The following PDE4D variants were observed in gnomAD, a reference collection of about 807,000 sequenced individuals.
PDE4D encodes the protein phosphodiesterase 4D, also known as 3',5'-cyclic-AMP phosphodiesterase 4D.
Under a neutral mutation model 87.4 loss-of-function variants are expected in PDE4D, and 24 were observed. That is an observed-to-expected ratio of 0.27 (90% confidence interval 0.20 to 0.39). PDE4D has a LOEUF of 0.39. Ranked by LOEUF, PDE4D falls within the 10% of genes least tolerant of loss-of-function variation. The probability of loss-of-function intolerance (pLI) is 1.00; values close to 1 mark genes in which losing one functional copy is unlikely to be tolerated. For synonymous variants in PDE4D, 384 were observed against 383.2 expected (o/e 1.00, Z -0.02); for missense variants, 714 against 1,041.0 (o/e 0.69, Z 4.32).
At position 60,340,279 on chromosome 5, in the gene PDE4D, A is replaced by ATTT. The variant is rs35196365; in HGVS notation, c.-90+147660_-90+147662dup. Among the ~76,000 whole-genome samples the ATTT allele has an allele frequency of 5.9e-3, 869 of 147,208 alleles. 7 individuals are homozygous for ATTT. Among genetic ancestry groups the ATTT allele is most frequent in the African/African-American group, 0.021 (834 of 40,452 alleles). ...GCCAAAAGAACCTGTACAGCATCCT[A>ATTT]TTTTTTTTTTTTTATCTAGGGAAAA... On this transcript the variant is annotated intron_variant, in intron 1 of 16. Coordinates refer to the PDE4D transcript ENST00000502484.
intron 5 of PDE4D, among the ~76,000 whole-genome samples, chr5:59,046,539 ATGTGTGTGTGTG>A (rs35264771): frequency 9.0e-4 from 130 of 143,662 alleles, no homozygotes; most frequent in Non-Finnish European, 1.8e-3. Context: ...GTTATTGAAG[ATGTGTGTGTGTG>A]TGTGTGTGTG....
intron 1 of PDE4D, among the ~76,000 whole-genome samples, chr5:59,575,000 T>C (rs1409426144): frequency 2.0e-5 from 3 of 152,184 alleles, no homozygotes; most frequent in African/African-American, 7.2e-5. Context: ...AAATATAGGA[T>C]ATGTATGCTA....
chr5:59,072,629 C>T (rs1451910453), intron 5 of PDE4D, among the ~76,000 whole-genome samples: 1 of 152,084 alleles, frequency 6.6e-6, no homozygotes, highest in Non-Finnish European at 1.5e-5. Flanking sequence ...TCATTTATGC[C>T]TATAAACATC....
At chr5:59,839,230 G>C (rs1050153557) in intron 1 of PDE4D, among the ~76,000 whole-genome samples, 2 of 151,526 alleles carry the variant, frequency 1.3e-5, no homozygotes, top group African/African-American at 4.8e-5. Context: ...TCTGATGTCT[G>C]AATGCCACAG....
At chr5:59,774,012 A>G (rs143869006) in intron 1 of PDE4D, among the ~76,000 whole-genome samples, 43 of 152,272 alleles carry the variant, frequency 2.8e-4, no homozygotes, top group African/African-American at 1.0e-3. Context: ...ACTCAAAAAC[A>G]AGGCAGGGCT....
intron 1 of PDE4D, among the ~76,000 whole-genome samples, chr5:60,375,736 C>A (rs930648974): frequency 1.3e-5 from 2 of 152,138 alleles, no homozygotes; most frequent in Admixed American, 1.3e-4. Flanking sequence ...TATCTAATAT[C>A]ATTTCTTTTA....
chr5:59,637,250 T>C (rs902415025), intron 1 of PDE4D, among the ~76,000 whole-genome samples: 2 of 152,118 alleles, frequency 1.3e-5, no homozygotes, highest in Non-Finnish European at 2.9e-5. Flanking sequence ...AAAAAATAGA[T>C]GCTGGAAAGG....
At chr5:60,031,531 A>C (rs1186682086) in intron 2 of PDE4D, among the ~76,000 whole-genome samples, 1 of 152,212 alleles carries the variant, frequency 6.6e-6, no homozygotes, top group Non-Finnish European at 1.5e-5. Context: ...TTCCATGTAT[A>C]GCCTCCCTTT....
At chr5:59,801,671 C>T (rs1033898933) in intron 1 of PDE4D, among the ~76,000 whole-genome samples, 2 of 152,020 alleles carry the variant, frequency 1.3e-5, no homozygotes, top group Admixed American at 6.5e-5. Context: ...AGTATTAAAG[C>T]AATACTTCTG....
intron 1 of PDE4D, among the ~76,000 whole-genome samples, chr5:60,501,230 T>A (rs1440554580): frequency 6.6e-6 from 1 of 152,064 alleles, no homozygotes; most frequent in Non-Finnish European, 1.5e-5. Flanking sequence ...AATTCCCACC[T>A]ATGAGTAAGA....
At chr5:60,328,840 C>T (rs1475767712) in intron 1 of PDE4D, among the ~76,000 whole-genome samples, 2 of 151,052 alleles carry the variant, frequency 1.3e-5, no homozygotes, top group Non-Finnish European at 3.0e-5. Context: ...TAATCTTTTC[C>T]CTTTTTTCCC....
At chr5:60,270,010 TGA>T (rs1750649585) in intron 1 of PDE4D, among the ~76,000 whole-genome samples, 1 of 152,118 alleles carries the variant, frequency 6.6e-6, no homozygotes, top group Non-Finnish European at 1.5e-5. Context: ...AGACTGAACA[TGA>T]AGGTCCAGAT....
intron 3 of PDE4D, among the ~76,000 whole-genome samples, chr5:59,934,339 G>C (rs1756322895): frequency 2.0e-5 from 3 of 152,224 alleles, no homozygotes; most frequent in Admixed American, 2.0e-4. Flanking sequence ...TAGAAGAGAT[G>C]CAAGAGGAAG....
chr5:60,114,335 T>C (rs1777944933), intron 2 of PDE4D, among the ~76,000 whole-genome samples: 1 of 152,120 alleles, frequency 6.6e-6, no homozygotes, highest in South Asian at 2.1e-4. Flanking sequence ...TTAGAAAATA[T>C]AAAGCATTAT....
intron 1 of PDE4D, among the ~76,000 whole-genome samples, chr5:60,495,416 G>A (rs1749760340): frequency 6.6e-6 from 1 of 152,136 alleles, no homozygotes; most frequent in South Asian, 2.1e-4. Context: ...CTGATCCCAT[G>A]GATCTAGAGT....
intron 1 of PDE4D, among the ~76,000 whole-genome samples, chr5:59,571,726 G>A (rs959673631): frequency 3.3e-5 from 5 of 152,248 alleles, no homozygotes; most frequent in East Asian, 1.9e-4. Flanking sequence ...ATGAAAAAGT[G>A]CACTGAGCCT....
intron 3 of PDE4D, among the ~76,000 whole-genome samples, chr5:59,903,620 T>C (rs988770535): frequency 3.3e-5 from 5 of 152,190 alleles, no homozygotes; most frequent in Non-Finnish European, 5.9e-5. Context: ...GGGTTTACTA[T>C]GAACCAGGCA....
intron 1 of PDE4D, among the ~76,000 whole-genome samples, chr5:59,764,654 T>C (rs1222714600): frequency 7.4e-6 from 1 of 135,208 alleles, no homozygotes; most frequent in Admixed American, 7.2e-5. Context: ...GAAGTCCCTT[T>C]TTTTTTTTTT....
At chr5:59,160,094 C>T (rs983529672) in intron 5 of PDE4D, among the ~76,000 whole-genome samples, 2 of 152,302 alleles carry the variant, frequency 1.3e-5, no homozygotes, top group East Asian at 3.9e-4. Context: ...ATAAGCATAA[C>T]ACCTTTCAGA....
Sources: gnomAD v4.1 joint callset for allele counts (sites outside exome capture counted in the v4.1 genomes callset) on GRCh38, gnomAD v4.1.1 for gene constraint, MANE v1.5 for transcripts, NCBI Gene and HGNC (gene_info 2026-07-23, HGNC 2026-07-21) for gene names.